The following OTOA variants were observed in gnomAD, a reference collection of about 807,000 sequenced individuals.
OTOA encodes the protein otoancorin, also known as cancer/testis antigen 108.
Under a neutral mutation model 110.8 loss-of-function variants are expected in OTOA, and 70 were observed. The observed-to-expected ratio is 0.63, with a 90% CI of 0.52 to 0.77. The LOEUF is 0.77. Among genes scored for constraint, OTOA ranks in the 30% least tolerant of loss-of-function variants. OTOA has a pLI of 0.00. For missense variants in OTOA, 917 were observed against 1,075.8 expected, an observed-to-expected ratio of 0.85 and a Z score of 2.06; for synonymous variants, 373 against 431.5, an observed-to-expected ratio of 0.86 and a Z score of 1.68.
intron 6 of OTOA, among the ~76,000 whole-genome samples, chr16:21,682,172 G>A (rs1466332684): frequency 6.6e-6 from 1 of 152,184 alleles, no homozygotes; most frequent in Non-Finnish European, 1.5e-5. Flanking sequence ...ATTCCATGAG[G>A]TTATCCAAGG....
intron 1 of OTOA, among the ~76,000 whole-genome samples, chr16:21,670,342 T>G (rs1966847431): frequency 6.6e-6 from 1 of 152,180 alleles, no homozygotes; most frequent in South Asian, 2.1e-4. Flanking sequence ...GCTCCTAATA[T>G]CAAAGCCTTT....
chr16:21,728,266 C>A lies in OTOA; in HGVS notation c.2042C>A (p.Thr681Asn). The A allele has an allele frequency of 6.2e-7, 1 of 1,614,208 alleles. No individual in the cohort carries two copies. Among genetic ancestry groups the A allele is most frequent in the Non-Finnish European group, 8.5e-7 (1 of 1,180,016 alleles). The change falls in exon 20 of 29, where the codon ACT becomes AAT. Residue 681 changes from threonine to asparagine, a missense_variant. Thr to Asn is a moderately conservative substitution (Grantham distance 65). This residue lies in a region of OTOA where 840 missense variants were observed against 910.2 expected (regional missense o/e 0.92). Transcript: ENST00000646100. ...CLDDSIADEYTVDIMGNLLCH... is the reference protein window; with the variant it reads ...CLDDSIADEYNVDIMGNLLCH... ...GACGACTCCATTGCTGATGAGTACA[C>A]TGTGGACATCATGGGGAACCTGCTG...
intron 28 of OTOA, among the ~76,000 whole-genome samples, chr16:21,757,817 C>G (rs1025962468): frequency 6.6e-6 from 1 of 151,978 alleles, no homozygotes; most frequent in Admixed American, 6.6e-5. Flanking sequence ...GGGGCTTCAC[C>G]ATGTTGGCCA....
chr16:21,675,578 A>G (rs1470448328), intron 1 of OTOA, among the ~76,000 whole-genome samples: 3 of 151,630 alleles, frequency 2.0e-5, no homozygotes, highest in East Asian at 1.9e-4. Flanking sequence ...TTCCCCCTGC[A>G]TTTTACTTTG....
At chr16:21,730,539 T>G in intron 20 of OTOA, 1 of 380,520 alleles carries the variant, frequency 2.6e-6, no homozygotes, top group African/African-American at 2.1e-5. Context: ...TCTGTGTTCC[T>G]TGGTGTGGTC....
chr16:21,666,448 A>C (rs903049108), intron 1 of OTOA, among the ~76,000 whole-genome samples: 5 of 152,030 alleles, frequency 3.3e-5, no homozygotes, highest in Non-Finnish European at 7.4e-5. Flanking sequence ...CAGAAGATGA[A>C]GTGACTCTGA....
At chr16:21,684,501 G>A in intron 6 of OTOA, 1 of 1,549,808 alleles carries the variant, frequency 6.5e-7, no homozygotes, top group Non-Finnish European at 8.7e-7. Context: ...TAAACTTCCT[G>A]GACAAAGGCC....
At chr16:21,728,454 T>C (rs1399031072) in intron 20 of OTOA, 23 bp downstream of exon 20, 4 of 1,609,474 alleles carry the variant, frequency 2.5e-6, no homozygotes, top group Admixed American at 1.7e-5. Flanking sequence ...TGGGTTTGGC[T>C]TTTGGTGGTG....
At chr16:21,675,744 C>G (rs1294030614) in intron 1 of OTOA, among the ~76,000 whole-genome samples, 1 of 152,050 alleles carries the variant, frequency 6.6e-6, no homozygotes, top group African/African-American at 2.4e-5. Flanking sequence ...CCATGTCTCT[C>G]CCTTTAACAT....
chr16:21,687,664 G>GA lies in OTOA; in HGVS notation c.635+18dup. ...TTAAGAACCTGTGAGTGGTTCCTCC[G>GA]AACTTTTTTTTTTTTTTTTTTGAGA... On this transcript the variant is annotated intron_variant, in intron 8 of 28. Coordinates refer to ENST00000646100, the MANE Select transcript of OTOA (RefSeq NM_144672.4). 27 of 1,484,144 alleles carry GA rather than the reference G, an allele frequency of 1.8e-5. No homozygotes were observed. Among genetic ancestry groups the GA allele is most frequent in the Non-Finnish European group, 2.5e-5 (27 of 1,083,386 alleles). 91.9% of individuals were successfully genotyped at this position (1,484,144 alleles called of 1,614,324 possible).
intron 9 of OTOA, among the ~76,000 whole-genome samples, chr16:21,696,573 CATT>C (rs1159996164): frequency 6.6e-6 from 1 of 151,658 alleles, no homozygotes; most frequent in Non-Finnish European, 1.5e-5. Context: ...AGATTATTAT[CATT>C]ATTATTATTA....
intron 9 of OTOA, among the ~76,000 whole-genome samples, chr16:21,692,417 T>A (rs1346855642): frequency 2.0e-5 from 3 of 152,144 alleles, no homozygotes; most frequent in Non-Finnish European, 4.4e-5. Context: ...GCGTCCTGGC[T>A]ACCAAAGCAG....
At chr16:21,672,377 C>G (rs1966850430) in intron 1 of OTOA, among the ~76,000 whole-genome samples, 2 of 152,146 alleles carry the variant, frequency 1.3e-5, no homozygotes, top group African/African-American at 4.8e-5. Flanking sequence ...AATCCCAGCA[C>G]TTTGGGAGGC....
chr16:21,674,277 C>T (rs1331747454), intron 1 of OTOA, among the ~76,000 whole-genome samples: 3 of 152,094 alleles, frequency 2.0e-5, no homozygotes, highest in African/African-American at 4.8e-5. Flanking sequence ...TCCAGTTTCT[C>T]CTCATTCTTT....
At position 21,664,157 on chromosome 16, in the gene OTOA, C is replaced by G. The variant is rs914738290; in HGVS notation, c.-80C>G. On this transcript the variant is annotated 5_prime_UTR_variant, in exon 1 of 29. Coordinates refer to ENST00000646100, the MANE Select transcript of OTOA (RefSeq NM_144672.4). ...GCCGCTCTCCTGCCTGCCCGCTCCCCGCATGAGCCCCGCGGCCCCGCCCTG... is the reference window on the plus strand; with the variant it reads ...GCCGCTCTCCTGCCTGCCCGCTCCCGGCATGAGCCCCGCGGCCCCGCCCTG... 3 of 152,308 alleles carry G rather than the reference C, an allele frequency of 2.0e-5. No individual in the cohort carries two copies. The highest frequency in any genetic ancestry group is 2.1e-4 in the South Asian group (1 of 4,860). 9.4% of individuals were successfully genotyped at this position (152,308 alleles called of 1,614,324 possible).
intron 18 of OTOA, among the ~76,000 whole-genome samples, chr16:21,724,772 A>T (rs958873143): frequency 2.0e-5 from 3 of 151,696 alleles, no homozygotes; most frequent in Non-Finnish European, 2.9e-5. Context: ...TTAATTAATT[A>T]ATTAATTAAT....
intron 8 of OTOA, among the ~76,000 whole-genome samples, chr16:21,691,175 A>G (rs1897822355): frequency 6.6e-6 from 1 of 152,104 alleles, no homozygotes; most frequent in Non-Finnish European, 1.5e-5. Flanking sequence ...ATAGTATTCC[A>G]TGGTGTATAT....
chr16:21,727,003 C>T (rs1027594478), intron 19 of OTOA: 2 of 270,884 alleles, frequency 7.4e-6, no homozygotes, highest in East Asian at 2.0e-4. Flanking sequence ...GTAGCACATC[C>T]CCCTTAGAGT....
At chr16:21,666,426 T>C (rs1966840418) in intron 1 of OTOA, among the ~76,000 whole-genome samples, 1 of 151,990 alleles carries the variant, frequency 6.6e-6, no homozygotes, top group Admixed American at 6.6e-5. Context: ...CCTAGCATCT[T>C]TGCAAATTTC....
Sources: gnomAD v4.1 joint callset for allele counts (sites outside exome capture counted in the v4.1 genomes callset) on GRCh38, gnomAD v4.1.1 for gene constraint, gnomAD v4.1.1 regional missense constraint, MANE v1.5 for transcripts, NCBI Gene and HGNC (gene_info 2026-07-23, HGNC 2026-07-21) for gene names.